Variants in IGF2BP3 observed in about 807,000 individuals in gnomAD.
IGF2BP3 encodes insulin like growth factor 2 mRNA binding protein 3, also known as insulin-like growth factor 2 mRNA-binding protein 3.
Under a neutral mutation model 73.8 loss-of-function variants are expected in IGF2BP3, and 9 were observed. The ratio of observed to expected loss-of-function variants is 0.12; its 90% CI spans 0.07 to 0.21. IGF2BP3 has a LOEUF of 0.21. IGF2BP3 is among the 10% of genes least tolerant of loss of function. The probability of loss-of-function intolerance (pLI) is 1.00; values close to 1 mark genes in which losing one functional copy is unlikely to be tolerated. For missense variants in IGF2BP3, 542 were observed against 714.0 expected (o/e 0.76, Z 2.75); for synonymous variants, 258 against 256.7 (o/e 1.01, Z -0.05).
chr7:23,388,203 C>T (rs1413095280), intron 3 of IGF2BP3, among the ~76,000 whole-genome samples: 1 of 152,176 alleles, frequency 6.6e-6, no homozygotes, highest in Admixed American at 6.5e-5. Flanking sequence ...TCCCAACGTG[C>T]TGGGATTACA....
At chr7:23,352,739 T>TC (rs1447726793) in intron 5 of IGF2BP3, among the ~76,000 whole-genome samples, 1 of 152,180 alleles carries the variant, frequency 6.6e-6, no homozygotes, top group Non-Finnish European at 1.5e-5. Context: ...AGTACCTGCT[T>TC]CCGGTAGTCA....
At chr7:23,397,354 C>T (rs1269330823) in intron 3 of IGF2BP3, among the ~76,000 whole-genome samples, 1 of 152,192 alleles carries the variant, frequency 6.6e-6, no homozygotes, top group Non-Finnish European at 1.5e-5. Context: ...GGGAGGGTGA[C>T]AGAATGGCCT....
intron 2 of IGF2BP3, among the ~76,000 whole-genome samples, chr7:23,428,692 G>C (rs1584033715): frequency 6.7e-6 from 1 of 148,858 alleles, no homozygotes; most frequent in South Asian, 2.1e-4. Flanking sequence ...CTCAGCAACA[G>C]AGCAAGCCTC....
chr7:23,407,226 A>AC (rs1056278343), intron 3 of IGF2BP3, among the ~76,000 whole-genome samples: 1 of 151,490 alleles, frequency 6.6e-6, no homozygotes, highest in African/African-American at 2.4e-5. Context: ...GATGAAATTG[A>AC]CCAATTCTTT....
intron 2 of IGF2BP3, among the ~76,000 whole-genome samples, chr7:23,433,524 C>T (rs531496973): frequency 1.9e-4 from 28 of 148,002 alleles, no homozygotes; most frequent in African/African-American, 6.7e-4. Context: ...TTTGCTCTCT[C>T]GCCCAAACTG....
intron 5 of IGF2BP3, among the ~76,000 whole-genome samples, chr7:23,351,962 C>T (rs1562693235): frequency 6.6e-6 from 1 of 152,226 alleles, no homozygotes; most frequent in East Asian, 1.9e-4. Flanking sequence ...AGCAAGTGGG[C>T]TTCTTGCCTT....
At chr7:23,420,927 G>C (rs1787325899) in intron 2 of IGF2BP3, among the ~76,000 whole-genome samples, 2 of 152,202 alleles carry the variant, frequency 1.3e-5, no homozygotes, top group South Asian at 4.1e-4. Context: ...TTTGGGATTT[G>C]TTTCAAAATA....
intron 2 of IGF2BP3, among the ~76,000 whole-genome samples, chr7:23,427,689 T>C (rs989390026): frequency 1.3e-5 from 2 of 151,638 alleles, no homozygotes; most frequent in Non-Finnish European, 2.9e-5. Flanking sequence ...CTGGCCAACA[T>C]GGTGAAACCC....
At chr7:23,358,792 C>T (rs1785156454) in intron 5 of IGF2BP3, among the ~76,000 whole-genome samples, 1 of 152,226 alleles carries the variant, frequency 6.6e-6, no homozygotes, top group Non-Finnish European at 1.5e-5. Context: ...GAGTTTTCCA[C>T]TCCTTAGATT....
At chr7:23,436,436 TG>T (rs1787809986) in intron 2 of IGF2BP3, among the ~76,000 whole-genome samples, 1 of 152,178 alleles carries the variant, frequency 6.6e-6, no homozygotes, top group Non-Finnish European at 1.5e-5. Context: ...TGAAGCTAGG[TG>T]ATCAGTATAG....
intron 3 of IGF2BP3, among the ~76,000 whole-genome samples, chr7:23,373,670 C>A (rs373119853): frequency 2.6e-5 from 4 of 152,160 alleles, no homozygotes; most frequent in South Asian, 4.1e-4. Flanking sequence ...AATAGACCTA[C>A]CATATGATCC....
At chr7:23,350,698 T>C (rs1686998330) in intron 6 of IGF2BP3, among the ~76,000 whole-genome samples, 1 of 152,242 alleles carries the variant, frequency 6.6e-6, no homozygotes, top group South Asian at 2.1e-4. Flanking sequence ...GGGGCTACAG[T>C]AGTGAATAAA....
Position 23,378,838 on chromosome 7 carries a change from CT to C in IGF2BP3, c.286-17098del, listed in dbSNP as rs368905757. On this transcript the variant is annotated intron_variant, in intron 3 of 14. Coordinates refer to ENST00000258729, the MANE Select transcript of IGF2BP3 (RefSeq NM_006547.3). ...TCACCCACCATGGCCTCCCAAAGTG[CT>C]GGGATTACAGGTGTGAGCCACCGTG... Among the ~76,000 whole-genome samples, 288 of 152,164 alleles carry C rather than the reference CT, an allele frequency of 1.9e-3. 2 individuals are homozygous for C. The highest frequency in any genetic ancestry group is 5.4e-3 in the African/African-American group (225 of 41,522).
intron 5 of IGF2BP3, among the ~76,000 whole-genome samples, chr7:23,355,772 A>G (rs971843472): frequency 6.6e-6 from 1 of 152,078 alleles, no homozygotes; most frequent in Non-Finnish European, 1.5e-5. Flanking sequence ...GTCTCTACTA[A>G]AAGTACAAAA....
intron 3 of IGF2BP3, among the ~76,000 whole-genome samples, chr7:23,368,343 A>AAAAAGAAAG (rs1554321061): frequency 7.3e-6 from 1 of 137,924 alleles, no homozygotes; most frequent in Non-Finnish European, 1.5e-5. Flanking sequence ...AAGAAAGAAA[A>AAAAAGAAAG]AAAGAAAGAA....
At chr7:23,462,859 T>C (rs1788483188) in intron 2 of IGF2BP3, among the ~76,000 whole-genome samples, 1 of 152,362 alleles carries the variant, frequency 6.6e-6, no homozygotes, top group South Asian at 2.1e-4. Context: ...TTTCAGACCA[T>C]GATACATTAC....
At position 23,347,582 on chromosome 7, in the gene IGF2BP3, A is replaced by G. The variant is rs916790899; in HGVS notation, c.818+18T>C. 1 of 1,609,398 alleles carries G rather than the reference A, an allele frequency of 6.2e-7. No homozygotes were observed. Among genetic ancestry groups the G allele is most frequent in the African/African-American group, 1.3e-5 (1 of 74,626 alleles). On this transcript the variant is annotated intron_variant, in intron 7 of 14. Coordinates refer to ENST00000258729, the MANE Select transcript of IGF2BP3 (RefSeq NM_006547.3). The stretch of plus-strand genomic sequence containing the variant: ...CACAAATATCAACCTCTTTCACAGG[A>G]CAATCTTCTTTACTCACAATTTTAT...
chr7:23,443,045 G>A (rs1019292206), intron 2 of IGF2BP3, among the ~76,000 whole-genome samples: 5 of 147,768 alleles, frequency 3.4e-5, no homozygotes, highest in Non-Finnish European at 7.4e-5. Flanking sequence ...AACACAAATC[G>A]TCCACAACCA....
At chr7:23,433,486 A>ATG (rs1276280664) in intron 2 of IGF2BP3, among the ~76,000 whole-genome samples, 2 of 142,908 alleles carry the variant, frequency 1.4e-5, no homozygotes, top group African/African-American at 5.1e-5. Flanking sequence ...ATAATAACTA[A>ATG]TTTTTTTTTT....
Sources: allele counts gnomAD v4.1 joint callset (sites outside exome capture counted in the v4.1 genomes callset), GRCh38; gene constraint gnomAD v4.1.1; transcripts MANE v1.5; gene names NCBI Gene and HGNC (gene_info 2026-07-23, HGNC 2026-07-21).